Variants in CYP4F22 observed in about 807,000 individuals in gnomAD.
CYP4F22 encodes ultra-long-chain fatty acid omega-hydroxylase.
In CYP4F22, 37 loss-of-function variants were observed where a neutral mutation model predicts 60.4. The observed-to-expected ratio is 0.61, with a 90% confidence interval of 0.47 to 0.81. The LOEUF (loss-of-function observed/expected upper bound fraction) is 0.81. CYP4F22 is among the 30% of genes least tolerant of loss of function. CYP4F22 has a pLI of 0.00. For missense variants in CYP4F22, 655 were observed against 715.0 expected (o/e 0.92, Z 0.96); for synonymous variants, 258 against 280.5 (o/e 0.92, Z 0.80).
chr19:15,528,580 CT>C (rs1780634553), intron 3 of CYP4F22, among the ~76,000 whole-genome samples: 1 of 151,394 alleles, frequency 6.6e-6, no homozygotes, highest in African/African-American at 2.4e-5. Context: ...TCTTCTTCCC[CT>C]ATCTCATGAC....
At chr19:15,549,055 C>T (rs1971565060) in intron 11 of CYP4F22, 83 bp from the exon 12 acceptor site, 2 of 1,497,808 alleles carry the variant, frequency 1.3e-6, no homozygotes, top group Non-Finnish European at 9.3e-7. Flanking sequence ...AACATCATGG[C>T]TCTAGGGAGA....
rs1568350894 is a variant in CYP4F22 at position 15,509,916 on chromosome 19, TC to T, written c.-109+1335del. On this transcript the variant is annotated intron_variant, in intron 1 of 13. Transcript: ENST00000269703. ...TCCTTCCTTCCTTCCTTTCTTTCTT[TC>T]CTTCCTTCTTTCTTTCTTTCTTTCT... 5.1e-4 allele frequency among the ~76,000 whole-genome samples: 71 copies of T among 139,498 alleles called. 1 individual carries two copies. The highest frequency in any genetic ancestry group is 1.5e-3 in the African/African-American group (55 of 36,490). 91.5% of individuals were successfully genotyped at this position (139,498 alleles called of 152,430 possible).
At chr19:15,549,331 A>T (rs894328290) in intron 12 of CYP4F22, 129 bp downstream of exon 12, 6 of 865,264 alleles carry the variant, frequency 6.9e-6, no homozygotes, top group Admixed American at 2.0e-5. Context: ...TTAGCCATTT[A>T]TTCACCCACT....
At chr19:15,514,412 G>A (rs1021384608) in intron 1 of CYP4F22, among the ~76,000 whole-genome samples, 8 of 152,232 alleles carry the variant, frequency 5.3e-5, no homozygotes, top group Non-Finnish European at 1.0e-4. Context: ...GTGTCGTCGG[G>A]CACGGTGGCT....
In CYP4F22 at chr19:15,537,542, G is replaced by T; in HGVS notation, c.429G>T (p.Gly143=). Residue 143 remains glycine (G), a synonymous_variant, in exon 6 of 14, where the codon GGG becomes GGT. Transcript: ENST00000269703. ...TCAGTCTTCTGGGCCCAGGGGATGG[G>T]CTGCTGCTCAGCAAAGGTGACAAGT... is the stretch of plus-strand genomic sequence containing the variant. ...YGFLKPWLGD[G]LLLSKGDKWS... 6.2e-7 allele frequency: 1 copy of T among 1,614,144 alleles called. No individual in the cohort carries two copies. Among genetic ancestry groups the T allele is most frequent in the Non-Finnish European group, 8.5e-7 (1 of 1,180,046 alleles).
chr19:15,516,872 C>A, intron 1 of CYP4F22: 1 of 281,456 alleles, frequency 3.6e-6, no homozygotes, highest in South Asian at 1.1e-4. Flanking sequence ...AGTCTGTTGC[C>A]AGGCTGGAGT....
At position 15,540,626 on chromosome 19, in the gene CYP4F22, G is replaced by C. The variant is rs141902603; in HGVS notation, c.848G>C (p.Arg283Pro). ...ACCACTGAAGTCATCCAGGAACGGC[G>C]GCGGGCACTGCGTCAGCAGGGGGCC... ...HFTTEVIQERRRALRQQGAEA... is the reference protein window; with the variant it reads ...HFTTEVIQERPRALRQQGAEA... The change falls in exon 8 of 14, where the codon CGG (arginine) becomes CCG (proline). Residue 283 changes from arginine (R) to proline (P), a missense_variant. By Grantham distance (103) the Arg-to-Pro change is moderately radical (BLOSUM62 -2). Around this residue, in one of 3 missense-constraint regions of CYP4F22, gnomAD observed 430 missense variants for 457.1 expected, o/e 0.94. Coordinates refer to ENST00000269703, the MANE Select transcript of CYP4F22 (RefSeq NM_173483.4). 6.8e-6 allele frequency: 11 copies of C among 1,614,220 alleles called. No individual in the cohort carries two copies. Among genetic ancestry groups the C allele is most frequent in the Non-Finnish European group, 9.3e-6 (11 of 1,180,048 alleles).
chr19:15,544,346 T>C, intron 10 of CYP4F22, 67 bp downstream of exon 10: 2 of 1,548,408 alleles, frequency 1.3e-6, no homozygotes, highest in Admixed American at 1.9e-5. Flanking sequence ...AAGCCTCTGC[T>C]CTCCCACTTA....
Position 15,537,389 on chromosome 19 carries a change from C to G in CYP4F22, c.396C>G (p.Phe132Leu), listed in dbSNP as rs376061100. The G allele has an allele frequency of 2.1e-5, 34 of 1,614,068 alleles. No homozygotes were observed. Among genetic ancestry groups the G allele is most frequent in the Non-Finnish European group, 2.7e-5 (32 of 1,180,030 alleles). Residue 132 changes from phenylalanine to leucine, a missense_variant, in exon 5 of 14, where the codon TTC (phenylalanine) becomes TTG (leucine). Physicochemically the swap from Phe to Leu is conservative, Grantham distance 22. Around this residue, in one of 3 missense-constraint regions of CYP4F22, gnomAD observed 430 missense variants for 457.1 expected, o/e 0.94. Transcript: ENST00000269703. ...CCATCGCCCCCAAGGATGACCTCTT[C>G]TATGGCTTCCTAAAACCTTGGCTAG... ...SAAIAPKDDL[F>L]YGFLKPWLGD...
At chr19:15,538,863 C>G (rs1431866739) in intron 7 of CYP4F22, among the ~76,000 whole-genome samples, 1 of 152,138 alleles carries the variant, frequency 6.6e-6, no homozygotes, top group African/African-American at 2.4e-5. Context: ...CAAGATGTTG[C>G]TTTTCTAGAG....
At chr19:15,536,054 T>C (rs1488258681) in intron 4 of CYP4F22, among the ~76,000 whole-genome samples, 1 of 152,170 alleles carries the variant, frequency 6.6e-6, no homozygotes, top group Non-Finnish European at 1.5e-5. Context: ...AGTTCTGTGG[T>C]GTGGCCGGGC....
intron 1 of CYP4F22, among the ~76,000 whole-genome samples, chr19:15,522,170 AAC>A (rs1971234241): frequency 6.6e-6 from 1 of 151,688 alleles, no homozygotes; most frequent in African/African-American, 2.4e-5. Flanking sequence ...AAAAAAAGGA[AAC>A]ACCATATGGT....
At chr19:15,538,872 A>G (rs1410665884) in intron 7 of CYP4F22, among the ~76,000 whole-genome samples, 1 of 152,224 alleles carries the variant, frequency 6.6e-6, no homozygotes. Context: ...GCTTTTCTAG[A>G]GCTTCCATTT....
chr19:15,537,989 C>T lies in CYP4F22; in HGVS notation c.667C>T (p.Gln223Ter), dbSNP rs199892192. 83 of 1,613,984 alleles carry T rather than the reference C, an allele frequency of 5.1e-5. No individual in the cohort carries two copies. Among genetic ancestry groups the T allele is most frequent in the Non-Finnish European group, 1.4e-5 (16 of 1,180,022 alleles). The stretch of plus-strand genomic sequence containing the variant: ...TGTCTTCAGCTACAACAGCAACTGC[C>T]AAGAGTGAGTGTGACCCTTCTTGGG... ...KCVFSYNSNCQEKMSDYISAI... is the reference protein window; with the variant it reads ...KCVFSYNSNC The change falls in exon 7 of 14, where the codon CAA becomes TAA. Residue 223 changes from glutamine (Q) to a stop codon, truncating the protein, a stop_gained. Coordinates refer to ENST00000269703, the MANE Select transcript of CYP4F22 (RefSeq NM_173483.4). LOFTEE classifies it high-confidence loss of function.
In CYP4F22 at chr19:15,550,716, C is replaced by T; in HGVS notation, c.1378C>T (p.Arg460Cys). ...YRFDPDNPQQRSPLAYVPFSA... is the reference protein window; with the variant it reads ...YRFDPDNPQQCSPLAYVPFSA... ...CTTTGACCCGGACAACCCACAGCAG[C>T]GCTCTCCACTGGCCTATGTGCCCTT... Residue 460 changes from arginine to cysteine, a missense_variant, in exon 13 of 14, where the codon CGC becomes TGC. By Grantham distance (180) the Arg-to-Cys change is radical (BLOSUM62 -3). Transcript: ENST00000269703. 1.2e-6 allele frequency: 2 copies of T among 1,614,200 alleles called. No individual in the cohort carries two copies. Among genetic ancestry groups the T allele is most frequent in the Non-Finnish European group, 1.7e-6 (2 of 1,180,040 alleles).
At position 15,551,481 on chromosome 19, in the gene CYP4F22, C is replaced by G. The variant is rs1295023265; in HGVS notation, c.*10C>G. 4.5e-6 allele frequency: 7 copies of G among 1,550,950 alleles called. No individual in the cohort carries two copies. Among genetic ancestry groups the G allele is most frequent in the Non-Finnish European group, 6.1e-6 (7 of 1,148,164 alleles). On this transcript the variant is annotated 3_prime_UTR_variant, in exon 14 of 14. Coordinates refer to ENST00000269703, the MANE Select transcript of CYP4F22 (RefSeq NM_173483.4). ...GCCTCCGCGGGCCTGAGCGTGGGCGCGCCCCTGCGGCTCCCGAGGGTCCAG... is the reference window on the plus strand; with the variant it reads ...GCCTCCGCGGGCCTGAGCGTGGGCGGGCCCCTGCGGCTCCCGAGGGTCCAG...
intron 7 of CYP4F22, among the ~76,000 whole-genome samples, chr19:15,539,086 A>T (rs1277234157): frequency 6.6e-6 from 1 of 152,204 alleles, no homozygotes; most frequent in East Asian, 1.9e-4. Context: ...AATACACCTG[A>T]ACTGCTTTTA....
At chr19:15,527,568 T>G (rs924135240) in intron 3 of CYP4F22, among the ~76,000 whole-genome samples, 1 of 151,932 alleles carries the variant, frequency 6.6e-6, no homozygotes, top group African/African-American at 2.4e-5. Flanking sequence ...CCTGGAGGAG[T>G]TGGCCAGGGT....
At chr19:15,547,783 C>A (rs896803688) in intron 10 of CYP4F22, among the ~76,000 whole-genome samples, 5 of 149,450 alleles carry the variant, frequency 3.3e-5, no homozygotes, top group Admixed American at 2.7e-4. Flanking sequence ...AGATGCGCCA[C>A]TATGTTCTAG....
Sources: gnomAD v4.1 joint callset for allele counts (sites outside exome capture counted in the v4.1 genomes callset) on GRCh38, gnomAD v4.1.1 for gene constraint, gnomAD v4.1.1 regional missense constraint, MANE v1.5 for transcripts, NCBI Gene and HGNC (gene_info 2026-07-23, HGNC 2026-07-21) for gene names.